The following ZNF462 variants were observed in gnomAD, a reference collection of about 807,000 sequenced individuals.
ZNF462 encodes zinc finger PBX1-interacting protein.
Under a neutral mutation model 201.9 loss-of-function variants are expected in ZNF462, and 10 were observed. The observed-to-expected ratio is 0.05, with a 90% CI of 0.03 to 0.08. The LOEUF (loss-of-function observed/expected upper bound fraction) is 0.08, where lower values mean the gene tolerates loss of function less well. ZNF462 is among the 10% of genes least tolerant of loss of function. ZNF462 has a pLI of 1.00. For missense variants in ZNF462, 2,523 were observed against 3,168.3 expected (o/e 0.80, Z 4.89); for synonymous variants, 1,227 against 1,193.3 (o/e 1.03, Z -0.58).
intron 10 of ZNF462, among the ~76,000 whole-genome samples, chr9:106,999,382 T>G (rs1039871928): frequency 6.6e-6 from 1 of 152,168 alleles, no homozygotes; most frequent in African/African-American, 2.4e-5. Flanking sequence ...ATCTGGAAAT[T>G]TAGCCTATAA....
intron 9 of ZNF462, among the ~76,000 whole-genome samples, chr9:106,980,213 T>G (rs1827315843): frequency 6.6e-6 from 1 of 152,162 alleles, no homozygotes; most frequent in Non-Finnish European, 1.5e-5. Context: ...TTTGCTTGTG[T>G]TTATGTTTGT....
At chr9:106,942,642 T>G (rs140038350) in intron 7 of ZNF462, among the ~76,000 whole-genome samples, 1 of 152,348 alleles carries the variant, frequency 6.6e-6, no homozygotes, top group East Asian at 1.9e-4. Context: ...TCCTGCCATA[T>G]ACAACACAGG....
chr9:106,958,712 G>A (rs369667449), intron 7 of ZNF462, among the ~76,000 whole-genome samples: 22 of 152,120 alleles, frequency 1.4e-4, no homozygotes, highest in African/African-American at 3.9e-4. Context: ...TAAGAAATTC[G>A]CGATAACATT....
Position 106,927,793 on chromosome 9 carries a change from C to G in ZNF462, c.3881C>G (p.Thr1294Arg). The G allele has an allele frequency of 6.2e-7, 1 of 1,614,182 alleles. No homozygotes were observed. Among genetic ancestry groups the G allele is most frequent in the Non-Finnish European group, 8.5e-7 (1 of 1,180,040 alleles). Residue 1294 changes from threonine to arginine, a missense_variant, in exon 3 of 13, where the codon ACA becomes AGA. Around this residue, in one of 15 missense-constraint regions of ZNF462, gnomAD observed 222 missense variants for 271.6 expected, o/e 0.82. Transcript: ENST00000277225. ...AAAGACCACCCCGCCCTGAAAGCCA[C>G]AGTCACGTCCATCATGCGATGGGCA... The part of the protein sequence containing the change: ...IKKDHPALKA[T>R]VTSIMRWAFL...
At chr9:106,874,446 G>T (rs1027968713) in intron 1 of ZNF462, among the ~76,000 whole-genome samples, 2 of 152,236 alleles carry the variant, frequency 1.3e-5, no homozygotes, top group African/African-American at 4.8e-5. Context: ...TGTGGATACA[G>T]TGAGAACTGG....
intron 9 of ZNF462, chr9:106,975,034 A>G (rs894805616): frequency 1.3e-5 from 2 of 152,220 alleles, no homozygotes; most frequent in Non-Finnish European, 2.9e-5. Context: ...CCCTTGGCCA[A>G]TTAAAACACT....
chr9:106,953,025 G>A lies in ZNF462; in HGVS notation c.6427+13918G>A, dbSNP rs185513895. On this transcript the variant is annotated intron_variant, in intron 7 of 12. Transcript: ENST00000277225. ...TTTTCCCCAGGCAAATCTTAAAAAGGTTATACATGAACCCCAGGAAAGTGC... is the reference window on the plus strand; with the variant it reads ...TTTTCCCCAGGCAAATCTTAAAAAGATTATACATGAACCCCAGGAAAGTGC... Among the ~76,000 whole-genome samples the A allele has an allele frequency of 3.2e-4, 48 of 152,240 alleles. No individual in the cohort carries two copies. The Middle Eastern group carries it at 0.01, about 32-fold the overall frequency.
In ZNF462 at chr9:106,923,548, A is replaced by G; in HGVS notation, c.165A>G (p.Thr55=). 1.2e-6 allele frequency: 2 copies of G among 1,614,256 alleles called. No homozygotes were observed. The highest frequency in any genetic ancestry group is 1.3e-5 in the African/African-American group (1 of 75,062). ...GGTCCGTGAATGCCAGTAATCAGAC[A>G]GAGGTGGAGTTTTCTTCTATAAAGG... is the stretch of plus-strand genomic sequence containing the variant. The part of the protein sequence containing the change: ...RCGSVNASNQ[T]EVEFSSIKDE... Residue 55 remains threonine (T), a synonymous_variant, in exon 2 of 13, where the codon ACA becomes ACG. Coordinates refer to ENST00000277225, the MANE Select transcript of ZNF462 (RefSeq NM_021224.6). The surrounding 1 kb of genome is among the most constrained non-coding windows in gnomAD (Gnocchi z 5.6).
chr9:106,885,213 A>G lies in ZNF462; in HGVS notation c.-31+21858A>G, dbSNP rs1828267590. On this transcript the variant is annotated intron_variant, in intron 1 of 12. Transcript: ENST00000277225. The surrounding 1 kb of genome is among the most constrained non-coding windows in gnomAD (Gnocchi z 4.1). ...TCCTAAAACAACTATCACTACTACC[A>G]TTAAACTCTCCATATACATTAAAGG... Among the ~76,000 whole-genome samples, 1 of 152,356 alleles carries G rather than the reference A, an allele frequency of 6.6e-6. No individual in the cohort carries two copies. The highest frequency in any genetic ancestry group is 2.4e-5 in the African/African-American group (1 of 41,592).
intron 1 of ZNF462, among the ~76,000 whole-genome samples, chr9:106,912,934 G>A (rs991463386): frequency 6.6e-6 from 1 of 152,166 alleles, no homozygotes; most frequent in Non-Finnish European, 1.5e-5. Flanking sequence ...TGAGCTATAG[G>A]ACAGAATTGT....
At chr9:107,007,160 A>C (rs1035451038) in intron 11 of ZNF462, among the ~76,000 whole-genome samples, 2 of 152,172 alleles carry the variant, frequency 1.3e-5, no homozygotes, top group African/African-American at 4.8e-5. Flanking sequence ...TTAATCTCTA[A>C]AGCTGAGCAT....
intron 7 of ZNF462, among the ~76,000 whole-genome samples, chr9:106,946,429 A>G (rs1019402723): frequency 7.2e-5 from 11 of 152,254 alleles, no homozygotes; most frequent in African/African-American, 2.6e-4. Context: ...TGAAGCTAGT[A>G]TTTTAGCCCA....
chr9:106,925,002 C>A lies in ZNF462; in HGVS notation c.1090C>A (p.Arg364Ser). The A allele has an allele frequency of 6.2e-7, 1 of 1,614,158 alleles. No homozygotes were observed. The highest frequency in any genetic ancestry group is 1.1e-5 in the South Asian group (1 of 91,080). The change falls in exon 3 of 13, where the codon CGT (arginine) becomes AGT (serine). Residue 364 changes from arginine (R) to serine (S), a missense_variant. Coordinates refer to ENST00000277225, the MANE Select transcript of ZNF462 (RefSeq NM_021224.6). This position sits in a 1 kb window ranked among gnomAD's most constrained non-coding sequence, Gnocchi z 7.9. Reference sequence around the variant, plus strand: ...TCTAGTTAACTTGACAGAGAGATCCCGTTATGGAATGACTGACATGACCAA... The same window carrying A: ...TCTAGTTAACTTGACAGAGAGATCCAGTTATGGAATGACTGACATGACCAA... ...SGLVNLTERS[R>S]YGMTDMTNSS...
chr9:106,861,150 G>C (rs1827055465), upstream of ZNF462, among the ~76,000 whole-genome samples: 1 of 152,038 alleles, frequency 6.6e-6, no homozygotes, highest in Non-Finnish European at 1.5e-5. Flanking sequence ...TTTTCAATGT[G>C]AGTGGGAGGA....
Position 107,003,802 on chromosome 9 carries a change from T to C in ZNF462, c.7189+376T>C, listed in dbSNP as rs1829362075. Among the ~76,000 whole-genome samples the C allele has an allele frequency of 6.6e-6, 1 of 152,094 alleles. No individual in the cohort carries two copies. The highest frequency in any genetic ancestry group is 1.5e-5 in the Non-Finnish European group (1 of 68,028). On this transcript the variant is annotated intron_variant, in intron 11 of 12. Coordinates refer to ENST00000277225, the MANE Select transcript of ZNF462 (RefSeq NM_021224.6). This position sits in a 1 kb window ranked among gnomAD's most constrained non-coding sequence, Gnocchi z 4.4. Reference sequence around the variant, plus strand: ...GAGAATGAACTTCCAGTTGAATGCATATTTAAAATTGCTGCTGGGGCACAC... The same window carrying C: ...GAGAATGAACTTCCAGTTGAATGCACATTTAAAATTGCTGCTGGGGCACAC...
At chr9:106,887,959 T>C (rs563448814) in intron 1 of ZNF462, among the ~76,000 whole-genome samples, 1 of 152,258 alleles carries the variant, frequency 6.6e-6, no homozygotes, top group Admixed American at 6.5e-5. Flanking sequence ...GAGATAAATG[T>C]GCCTGGCAGT....
At position 106,963,654 on chromosome 9, in the gene ZNF462, C is replaced by G. The variant is rs1414160408; in HGVS notation, c.6428-8351C>G. Among the ~76,000 whole-genome samples the G allele has an allele frequency of 1.3e-5, 2 of 152,026 alleles. No individual in the cohort carries two copies. Among genetic ancestry groups the G allele is most frequent in the Non-Finnish European group, 2.9e-5 (2 of 67,950 alleles). On this transcript the variant is annotated intron_variant, in intron 7 of 12. Transcript: ENST00000277225. The surrounding 1 kb of genome is among the most constrained non-coding windows in gnomAD (Gnocchi z 4.7). ...GTTTGTAAGGAACCTAACAGATGAT[C>G]TTGTCTAAAGGCACCTAAAAAAATT...
At chr9:106,943,057 CGCGTGTGTGT>C (rs976133074) in intron 7 of ZNF462, among the ~76,000 whole-genome samples, 17 of 136,818 alleles carry the variant, frequency 1.2e-4, no homozygotes, top group South Asian at 2.3e-4. Flanking sequence ...GTTTTGCGCG[CGCGTGTGTGT>C]GTGTGTGTGT....
rs941740731 is a variant in ZNF462, at chr9:106,886,357, A to G, written c.-31+23002A>G. The stretch of plus-strand genomic sequence containing the variant: ...TGTTAGCTGTGTGAATGTGCTGCCT[A>G]TTTCGAAAGTTGATAATGACTCAAG... On this transcript the variant is annotated intron_variant, in intron 1 of 12. Coordinates refer to ENST00000277225, the MANE Select transcript of ZNF462 (RefSeq NM_021224.6). The surrounding 1 kb of genome is among the most constrained non-coding windows in gnomAD (Gnocchi z 4.6). Among the ~76,000 whole-genome samples, 1 of 152,188 alleles carries G rather than the reference A, an allele frequency of 6.6e-6. No individual in the cohort carries two copies. The highest frequency in any genetic ancestry group is 2.4e-5 in the African/African-American group (1 of 41,452).
Sources: allele counts gnomAD v4.1 joint callset (sites outside exome capture counted in the v4.1 genomes callset), GRCh38; gene constraint gnomAD v4.1.1; regional missense constraint gnomAD v4.1.1; non-coding constraint Gnocchi (gnomAD v3.1); transcripts MANE v1.5; gene names NCBI Gene and HGNC (gene_info 2026-07-23, HGNC 2026-07-21).